The following LIPA variants were observed in gnomAD, a reference collection of about 807,000 sequenced individuals.
LIPA encodes lipase A, lysosomal acid type.
Under a neutral mutation model 40.6 loss-of-function variants are expected in LIPA, and 26 were observed. That is an observed-to-expected ratio of 0.64 (90% CI 0.47 to 0.89). LIPA has a LOEUF of 0.89. Ranked by LOEUF, LIPA falls within the 40% of genes least tolerant of loss-of-function variation. LIPA has a pLI of 0.00. For synonymous variants in LIPA, 188 were observed against 168.4 expected, an observed-to-expected ratio of 1.12 and a Z score of -0.90; for missense variants, 455 against 479.6, an observed-to-expected ratio of 0.95 and a Z score of 0.48.
intron 1 of LIPA, among the ~76,000 whole-genome samples, chr10:89,271,028 C>T (rs1383768490): frequency 6.6e-6 from 1 of 152,180 alleles, no homozygotes; most frequent in African/African-American, 2.4e-5. Flanking sequence ...TATTCCATCA[C>T]ATGGAAGTGG....
chr10:89,318,166 C>G (rs1475228340), intron 1 of LIPA, among the ~76,000 whole-genome samples: 1 of 152,124 alleles, frequency 6.6e-6, no homozygotes, highest in African/African-American at 2.4e-5. Flanking sequence ...AGCTAACGAG[C>G]AAAATAACCA....
At chr10:89,278,894 T>C (rs1309827437) in intron 1 of LIPA, among the ~76,000 whole-genome samples, 7 of 151,768 alleles carry the variant, frequency 4.6e-5, no homozygotes, top group Admixed American at 4.6e-4. Flanking sequence ...GGTCTAAATA[T>C]ATTTTGATAA....
rs1843746505 is a variant in LIPA at position 89,336,721 on chromosome 10, G to A, written c.-2+5890C>T. Reference sequence around the variant, plus strand: ...AGAATAGATGGTTGGTATCTTTTCAGATACATTAGCAGCCCTATTTGGTTC... The same window carrying A: ...AGAATAGATGGTTGGTATCTTTTCAAATACATTAGCAGCCCTATTTGGTTC... On this transcript the variant is annotated intron_variant, in intron 1 of 5. Transcript: ENST00000282673. Among the ~76,000 whole-genome samples, 3 of 152,180 alleles carry A rather than the reference G, an allele frequency of 2.0e-5. No homozygotes were observed. In the South Asian group the frequency reaches 6.2e-4, roughly 32 times the overall value.
At chr10:89,366,559 C>A (rs200461664) in intron 2 of LIPA, among the ~76,000 whole-genome samples, 1 of 152,108 alleles carries the variant, frequency 6.6e-6, no homozygotes, top group South Asian at 2.1e-4. Context: ...ATGCAGCCAA[C>A]AGACACATGA....
At chr10:89,359,255 T>A (rs12783790) in intron 2 of LIPA, among the ~76,000 whole-genome samples, 5,386 of 152,314 alleles carry the variant, frequency 0.035, 127 homozygotes, top group Middle Eastern at 0.099. Flanking sequence ...GGGGCACATA[T>A]GTTTTATATT....
intron 8 of LIPA, among the ~76,000 whole-genome samples, chr10:89,219,351 T>A (rs1404869387): frequency 6.6e-6 from 1 of 152,104 alleles, no homozygotes; most frequent in Non-Finnish European, 1.5e-5. Context: ...GATGGCCTTC[T>A]TCAAACAGGT....
At chr10:89,347,949 C>T (rs529327229) in intron 2 of LIPA, among the ~76,000 whole-genome samples, 2 of 152,308 alleles carry the variant, frequency 1.3e-5, no homozygotes, top group African/African-American at 4.8e-5. Flanking sequence ...ACCATGTGGC[C>T]TTCCATGGTG....
In LIPA at chr10:89,385,100, C is replaced by T. The variant is rs74990763; in HGVS notation, c.61+27691G>A. Reference sequence around the variant, plus strand: ...TGTTTACTGCCTATGTAAGTGAAATCTTAACTTCCCCATTTTGGAATGCTG... The same window carrying T: ...TGTTTACTGCCTATGTAAGTGAAATTTTAACTTCCCCATTTTGGAATGCTG... On this transcript the variant is annotated intron_variant, in intron 2 of 8. Transcript: ENST00000371837. 7.6e-3 allele frequency: 1,313 copies of T among 173,866 alleles called. 32 individuals carry two copies. In the East Asian group the frequency reaches 0.086, roughly 11 times the overall value. 10.8% of individuals were successfully genotyped at this position (173,866 alleles called of 1,614,324 possible).
At chr10:89,398,246 T>C (rs1844373625) in intron 2 of LIPA, among the ~76,000 whole-genome samples, 1 of 152,146 alleles carries the variant, frequency 6.6e-6, no homozygotes, top group South Asian at 2.1e-4. Flanking sequence ...CAAGGGAGTG[T>C]GGGGGAATGT....
At chr10:89,339,771 G>T (rs772324444) in intron 1 of LIPA, 2 of 1,614,144 alleles carry the variant, frequency 1.2e-6, no homozygotes, top group Admixed American at 1.7e-5. Context: ...AATATAATGG[G>T]AAGTCTGAAG....
intron 2 of LIPA, among the ~76,000 whole-genome samples, chr10:89,373,528 G>A (rs1383608052): frequency 1.3e-5 from 2 of 152,046 alleles, no homozygotes; most frequent in Admixed American, 1.3e-4. Context: ...AACATGAGTA[G>A]TCTCAAAAGC....
chr10:89,376,645 A>T (rs1452633555), intron 2 of LIPA, among the ~76,000 whole-genome samples: 1 of 152,240 alleles, frequency 6.6e-6, no homozygotes, highest in Non-Finnish European at 1.5e-5. Context: ...GCAGACAAAA[A>T]TACGAATATT....
chr10:89,313,345 A>G (rs1843525401), intron 1 of LIPA, among the ~76,000 whole-genome samples: 1 of 152,234 alleles, frequency 6.6e-6, no homozygotes, highest in Non-Finnish European at 1.5e-5. Context: ...AGATCATACC[A>G]GCACATTTTC....
intron 1 of LIPA, among the ~76,000 whole-genome samples, chr10:89,296,667 G>GA (rs1322623440): frequency 2.6e-5 from 4 of 152,030 alleles, no homozygotes; most frequent in Admixed American, 2.0e-4. Context: ...GCCCTAGGCA[G>GA]AAAAAAAATT....
intron 3 of LIPA, among the ~76,000 whole-genome samples, chr10:89,239,354 T>C (rs1842940069): frequency 1.3e-5 from 2 of 152,228 alleles, no homozygotes; most frequent in Admixed American, 6.5e-5. Context: ...ATTAACCCTA[T>C]AAACCTTGGT....
At chr10:89,369,766 G>T (rs1844081355) in intron 2 of LIPA, among the ~76,000 whole-genome samples, 1 of 152,186 alleles carries the variant, frequency 6.6e-6, no homozygotes, top group South Asian at 2.1e-4. Flanking sequence ...CTAGCACACA[G>T]ATCTTTTGAG....
intron 2 of LIPA, among the ~76,000 whole-genome samples, chr10:89,397,237 T>C (rs1311827460): frequency 1.1e-4 from 17 of 152,184 alleles, no homozygotes; most frequent in Admixed American, 1.1e-3. Flanking sequence ...TTCTTGAGTA[T>C]ACATCCTTAT....
upstream of LIPA, among the ~76,000 whole-genome samples, chr10:89,254,113 C>T (rs547475759): frequency 3.3e-5 from 5 of 152,212 alleles, no homozygotes; most frequent in Non-Finnish European, 7.3e-5. Flanking sequence ...GACAGTGGCT[C>T]TCTTCTCACA....
chr10:89,279,911 A>G (rs575684706), intron 1 of LIPA, among the ~76,000 whole-genome samples: 1 of 152,346 alleles, frequency 6.6e-6, no homozygotes, highest in East Asian at 1.9e-4. Flanking sequence ...TCCGGAATGC[A>G]TCGTATTGAA....
Sources: gnomAD v4.1 joint callset for allele counts (sites outside exome capture counted in the v4.1 genomes callset) on GRCh38, gnomAD v4.1.1 for gene constraint, MANE v1.5 for transcripts, NCBI Gene and HGNC (gene_info 2026-07-23, HGNC 2026-07-21) for gene names.